KCND2: variants seen among roughly 807,000 people sequenced by gnomAD.
KCND2 encodes the protein potassium voltage-gated channel subfamily D member 2.
In KCND2, 16 loss-of-function variants were observed where a neutral mutation model predicts 54.4. The observed-to-expected ratio is 0.29, with a 90% CI of 0.20 to 0.45. The LOEUF (loss-of-function observed/expected upper bound fraction) is 0.45, where lower values mean the gene tolerates loss of function less well. Among genes scored for constraint, KCND2 ranks in the 20% least tolerant of loss-of-function variants. KCND2 has a pLI of 1.00. For missense variants in KCND2, 486 were observed against 824.2 expected (o/e 0.59, Z 5.02); for synonymous variants, 317 against 310.7 (o/e 1.02, Z -0.21).
chr7:120,673,830 C>T (rs768088863), intron 1 of KCND2, among the ~76,000 whole-genome samples: 5 of 152,012 alleles, frequency 3.3e-5, no homozygotes, highest in African/African-American at 1.2e-4. Flanking sequence ...TCCTGAATCA[C>T]GTGGAGTTTT....
intron 1 of KCND2, among the ~76,000 whole-genome samples, chr7:120,695,634 G>A (rs561816986): frequency 2.0e-5 from 3 of 152,324 alleles, no homozygotes; most frequent in African/African-American, 7.2e-5. Flanking sequence ...AAATGCATAT[G>A]TGAACTTAAT....
chr7:120,284,452 A>T (rs1202066013), intron 1 of KCND2, among the ~76,000 whole-genome samples: 1 of 152,158 alleles, frequency 6.6e-6, no homozygotes, highest in Admixed American at 6.5e-5. Context: ...AACTTATGAA[A>T]ATATGTCTAG....
chr7:120,600,994 T>C (rs1792806756), intron 1 of KCND2, among the ~76,000 whole-genome samples: 1 of 152,110 alleles, frequency 6.6e-6, no homozygotes, highest in Non-Finnish European at 1.5e-5. Context: ...TATATTTTCC[T>C]TAGGATTCAC....
At chr7:120,453,176 G>A (rs1482454058) in intron 1 of KCND2, among the ~76,000 whole-genome samples, 1 of 152,196 alleles carries the variant, frequency 6.6e-6, no homozygotes, top group Non-Finnish European at 1.5e-5. Context: ...GCTGGTGCAT[G>A]TGTGTAGGCA....
At chr7:120,497,284 C>T (rs1311279785) in intron 1 of KCND2, among the ~76,000 whole-genome samples, 1 of 152,060 alleles carries the variant, frequency 6.6e-6, no homozygotes, top group African/African-American at 2.4e-5. Flanking sequence ...ATTTGATGTA[C>T]ATTTTAAGTA....
intron 1 of KCND2, among the ~76,000 whole-genome samples, chr7:120,318,249 A>G (rs953449169): frequency 3.3e-5 from 5 of 152,154 alleles, no homozygotes; most frequent in Admixed American, 2.0e-4. Context: ...TGTTGGGTTG[A>G]CTACAAATAG....
In KCND2 at chr7:120,582,954, A is replaced by ATGTGTG. The variant is rs10631536; in HGVS notation, c.1116-149929_1116-149924dup. Among the ~76,000 whole-genome samples the ATGTGTG allele has an allele frequency of 5.2e-3, 761 of 147,514 alleles. 5 individuals are homozygous for ATGTGTG. The highest frequency in any genetic ancestry group is 6.6e-3 in the Non-Finnish European group (441 of 66,394). The stretch of plus-strand genomic sequence containing the variant: ...GGTTTGCATTGCTCTGTGTGTGTGT[A>ATGTGTG]TGTGTGTGTGTGTGTGTGTGTGTGT... On this transcript the variant is annotated intron_variant, in intron 1 of 5. Coordinates refer to ENST00000331113, the MANE Select transcript of KCND2 (RefSeq NM_012281.3).
intron 1 of KCND2, among the ~76,000 whole-genome samples, chr7:120,309,149 T>G (rs901676132): frequency 6.6e-6 from 1 of 151,804 alleles, no homozygotes; most frequent in Non-Finnish European, 1.5e-5. Context: ...AAGACATGAG[T>G]GGGTAATGAC....
rs116700895 is a variant in KCND2, at chr7:120,294,513, C to T, written c.1115+18766C>T. On this transcript the variant is annotated intron_variant, in intron 1 of 5. Coordinates refer to ENST00000331113, the MANE Select transcript of KCND2 (RefSeq NM_012281.3). ...TAAAATCACTAGATCTGATTAATGC[C>T]GTATAATATAAAAAGTTATGATTAT... is the stretch of plus-strand genomic sequence containing the variant. Among the ~76,000 whole-genome samples, 1,308 of 151,170 alleles carry T rather than the reference C, an allele frequency of 8.7e-3. 14 individuals carry two copies. Among genetic ancestry groups the T allele is most frequent in the African/African-American group, 0.029 (1,215 of 41,256 alleles).
intron 1 of KCND2, among the ~76,000 whole-genome samples, chr7:120,281,324 G>C (rs1002030994): frequency 6.6e-6 from 1 of 150,862 alleles, no homozygotes; most frequent in African/African-American, 2.4e-5. Context: ...ACACACACAC[G>C]TATGCATGTA....
chr7:120,615,482 A>T (rs1013390170), intron 1 of KCND2, among the ~76,000 whole-genome samples: 6 of 152,180 alleles, frequency 3.9e-5, no homozygotes, highest in African/African-American at 7.2e-5. Context: ...TTAAAGGATA[A>T]ATAAATGGCA....
chr7:120,395,404 A>C (rs1427060266), intron 1 of KCND2, among the ~76,000 whole-genome samples: 1 of 151,994 alleles, frequency 6.6e-6, no homozygotes, highest in African/African-American at 2.4e-5. Flanking sequence ...TGAAGAAGTA[A>C]TTTTTCCAAT....
chr7:120,332,844 G>A (rs985194065), intron 1 of KCND2, among the ~76,000 whole-genome samples: 3 of 151,866 alleles, frequency 2.0e-5, no homozygotes, highest in Non-Finnish European at 2.9e-5. Flanking sequence ...TTTATATAAA[G>A]GTTTATATTT....
intron 1 of KCND2, among the ~76,000 whole-genome samples, chr7:120,664,740 T>C (rs1182606409): frequency 6.6e-6 from 1 of 152,044 alleles, no homozygotes; most frequent in African/African-American, 2.4e-5. Flanking sequence ...TCCCTAAAGC[T>C]TTGATTCCAT....
chr7:120,749,190 A>C lies in KCND2; in HGVS notation c.*1332A>C, dbSNP rs1012557493. 6.6e-6 allele frequency: 1 copy of C among 151,904 alleles called. No homozygotes were observed. The highest frequency in any genetic ancestry group is 2.4e-5 in the African/African-American group (1 of 41,422). 9.4% of individuals were successfully genotyped at this position (151,904 alleles called of 1,614,324 possible). A position where few individuals can be genotyped will look rare whatever the true frequency, so the allele number is the denominator to read the frequency against. On this transcript the variant is annotated 3_prime_UTR_variant, in exon 6 of 6. Transcript: ENST00000331113. ...GGATTGAAATGTAGAGATACACTGG[A>C]GTGCTTTATTTAGCAATATTTGATG...
chr7:120,475,157 A>G (rs558974624), intron 1 of KCND2, among the ~76,000 whole-genome samples: 44 of 152,332 alleles, frequency 2.9e-4, no homozygotes, highest in African/African-American at 1.0e-3. Flanking sequence ...AAGGCAAAGG[A>G]AAAAAAGGGA....
intron 2 of KCND2, among the ~76,000 whole-genome samples, chr7:120,736,130 G>A (rs1792866945): frequency 6.6e-6 from 1 of 151,994 alleles, no homozygotes. Context: ...CATATTTTTG[G>A]TGTTTAATTC....
chr7:120,408,098 A>G (rs1269553819), intron 1 of KCND2, among the ~76,000 whole-genome samples: 3 of 151,982 alleles, frequency 2.0e-5, no homozygotes, highest in Non-Finnish European at 4.4e-5. Context: ...TATCTAGTCC[A>G]AAAATATTTA....
chr7:120,508,905 T>TTTTTTTG (rs1803070867), intron 1 of KCND2, among the ~76,000 whole-genome samples: 1 of 151,298 alleles, frequency 6.6e-6, no homozygotes, highest in Non-Finnish European at 1.5e-5. Flanking sequence ...TTTTTTTTTT[T>TTTTTTTG]GGACATCCTT....
Sources: allele counts gnomAD v4.1 joint callset (sites outside exome capture counted in the v4.1 genomes callset), GRCh38; gene constraint gnomAD v4.1.1; transcripts MANE v1.5; gene names NCBI Gene and HGNC (gene_info 2026-07-23, HGNC 2026-07-21).